The following TMEM123 variants were observed in gnomAD, a reference collection of about 807,000 sequenced individuals.
The protein encoded by TMEM123 is transmembrane protein 123.
TMEM123 carries 16 observed loss-of-function variants against 19.7 expected under a neutral mutation model. The observed-to-expected ratio is 0.81, with a 90% CI of 0.55 to 1.23. The LOEUF is 1.23. TMEM123 is among the 50% of genes most tolerant of loss of function. The probability of loss-of-function intolerance (pLI) is 0.00; values close to 1 mark genes in which losing one functional copy is unlikely to be tolerated. For missense variants in TMEM123, 313 were observed against 257.8 expected (o/e 1.21, Z -1.47); for synonymous variants, 118 against 99.4 (o/e 1.19, Z -1.12).
intron 2 of TMEM123, among the ~76,000 whole-genome samples, chr11:102,402,875 A>G (rs1489874902): frequency 6.6e-6 from 1 of 152,268 alleles, no homozygotes; most frequent in Admixed American, 6.5e-5. Flanking sequence ...CCAATTTTGT[A>G]TGAAAAGAAA....
At chr11:102,424,214 C>A (rs1399880726) in intron 2 of TMEM123, among the ~76,000 whole-genome samples, 8 of 152,164 alleles carry the variant, frequency 5.3e-5, no homozygotes, top group Admixed American at 4.6e-4. Flanking sequence ...GGAACAAAGA[C>A]CCCTACGTAT....
At chr11:102,414,674 G>A (rs1443248178) in intron 2 of TMEM123, among the ~76,000 whole-genome samples, 1 of 152,176 alleles carries the variant, frequency 6.6e-6, no homozygotes, top group Non-Finnish European at 1.5e-5. Context: ...CACCAGACTT[G>A]CCTTAGAAGA....
At chr11:102,422,484 G>GA (rs1010419539) in intron 2 of TMEM123, among the ~76,000 whole-genome samples, 7 of 150,108 alleles carry the variant, frequency 4.7e-5, no homozygotes, top group South Asian at 2.1e-4. Flanking sequence ...CAAATAAAAG[G>GA]AAAAAAAAAG....
chr11:102,446,569 A>G (rs1022627176), intron 2 of TMEM123, among the ~76,000 whole-genome samples: 1 of 152,228 alleles, frequency 6.6e-6, no homozygotes, highest in African/African-American at 2.4e-5. Context: ...AGCAATTACA[A>G]AATATCTATG....
At chr11:102,437,786 G>A (rs1332497494) in intron 2 of TMEM123, among the ~76,000 whole-genome samples, 2 of 152,162 alleles carry the variant, frequency 1.3e-5, no homozygotes, top group Non-Finnish European at 2.9e-5. Flanking sequence ...GACCTTGTCT[G>A]CTGGGGCCTG....
chr11:102,448,976 A>G (rs1042797846), intron 1 of TMEM123, 108 bp from the exon 2 acceptor site: 7 of 1,065,912 alleles, frequency 6.6e-6, no homozygotes, highest in Admixed American at 5.5e-5. Context: ...TCAGGAGGGT[A>G]GATTATTCCA....
At chr11:102,430,874 G>A (rs1001794192) in intron 2 of TMEM123, among the ~76,000 whole-genome samples, 5 of 152,132 alleles carry the variant, frequency 3.3e-5, no homozygotes, top group Non-Finnish European at 7.4e-5. Flanking sequence ...TTTTCTCTTT[G>A]TATCTTCCCC....
chr11:102,424,388 T>G (rs1316747810), intron 2 of TMEM123, among the ~76,000 whole-genome samples: 1 of 152,150 alleles, frequency 6.6e-6, no homozygotes, highest in East Asian at 1.9e-4. Context: ...TTTTACAGAT[T>G]TGAAAATAAA....
At chr11:102,416,124 A>C (rs1952042502) in intron 2 of TMEM123, among the ~76,000 whole-genome samples, 1 of 152,194 alleles carries the variant, frequency 6.6e-6, no homozygotes, top group Non-Finnish European at 1.5e-5. Context: ...CATGTTGGCC[A>C]GGCTGGTGTC....
chr11:102,404,687 C>T (rs553922356), intron 2 of TMEM123, among the ~76,000 whole-genome samples: 1 of 152,210 alleles, frequency 6.6e-6, no homozygotes, highest in East Asian at 1.9e-4. Flanking sequence ...GTAACCTCTG[C>T]CTCCCAGGTT....
At chr11:102,406,214 T>C (rs1226211677) in intron 2 of TMEM123, among the ~76,000 whole-genome samples, 2 of 152,132 alleles carry the variant, frequency 1.3e-5, no homozygotes, top group Non-Finnish European at 2.9e-5. Flanking sequence ...TAAGCTAAGG[T>C]TGAAGAATCT....
chr11:102,408,887 C>T (rs1951978660), intron 2 of TMEM123, among the ~76,000 whole-genome samples: 1 of 152,170 alleles, frequency 6.6e-6, no homozygotes, highest in Non-Finnish European at 1.5e-5. Flanking sequence ...TGCAACAAGG[C>T]CAAGGACACT....
At chr11:102,448,107 C>A in intron 2 of TMEM123, 1 of 392,244 alleles carries the variant, frequency 2.5e-6, no homozygotes, top group South Asian at 1.9e-5. Context: ...ATAAATATTC[C>A]CTGACTAAAA....
chr11:102,433,795 G>A (rs200566647), intron 2 of TMEM123, among the ~76,000 whole-genome samples: 6 of 151,788 alleles, frequency 4.0e-5, no homozygotes, highest in South Asian at 2.1e-4. Context: ...CGCTGTTCTC[G>A]TGACAGTTTT....
chr11:102,416,256 C>A (rs1232677959), intron 2 of TMEM123, among the ~76,000 whole-genome samples: 1 of 152,072 alleles, frequency 6.6e-6, no homozygotes, highest in Non-Finnish European at 1.5e-5. Context: ...GATTGACAGA[C>A]TCCAGCTAGA....
chr11:102,400,210 C>T (rs1227856708), intron 4 of TMEM123, among the ~76,000 whole-genome samples: 2 of 152,174 alleles, frequency 1.3e-5, no homozygotes, highest in Non-Finnish European at 2.9e-5. Context: ...CAACATTTCC[C>T]AAAATGTGTT....
chr11:102,441,813 T>C (rs1164189067), intron 2 of TMEM123, among the ~76,000 whole-genome samples: 1 of 149,474 alleles, frequency 6.7e-6, no homozygotes, highest in Non-Finnish European at 1.5e-5. Context: ...GCAAGACTAA[T>C]AAAGAAGAAA....
chr11:102,409,513 C>A (rs1172943162), intron 2 of TMEM123, among the ~76,000 whole-genome samples: 1 of 151,824 alleles, frequency 6.6e-6, no homozygotes, highest in African/African-American at 2.4e-5. Context: ...ATTCAAATTA[C>A]CTGGAGATCA....
chr11:102,440,634 G>A (rs552756792), intron 2 of TMEM123, among the ~76,000 whole-genome samples: 196 of 152,306 alleles, frequency 1.3e-3, no homozygotes, highest in Non-Finnish European at 2.2e-3. Context: ...GGAAGAAACT[G>A]CATTAACTAA....
Sources: gnomAD v4.1 joint callset for allele counts (sites outside exome capture counted in the v4.1 genomes callset) on GRCh38, gnomAD v4.1.1 for gene constraint, MANE v1.5 for transcripts, NCBI Gene and HGNC (gene_info 2026-07-23, HGNC 2026-07-21) for gene names.